Variants in APBB1IP observed in about 807,000 individuals in gnomAD.
The protein encoded by APBB1IP is amyloid beta A4 precursor protein-binding family B member 1-interacting protein.
APBB1IP carries 27 observed loss-of-function variants against 64.9 expected under a neutral mutation model. That is an observed-to-expected ratio of 0.42 (90% CI 0.31 to 0.57). The LOEUF (loss-of-function observed/expected upper bound fraction) is 0.57, where lower values mean the gene tolerates loss of function less well. Ranked by LOEUF, APBB1IP falls within the 20% of genes least tolerant of loss-of-function variation. The pLI, the probability that APBB1IP is intolerant of heterozygous loss-of-function variation, is 0.20. For missense variants in APBB1IP, 812 were observed against 845.5 expected (o/e 0.96, Z 0.49); for synonymous variants, 392 against 331.0 (o/e 1.18, Z -2.00).
intron 2 of APBB1IP, among the ~76,000 whole-genome samples, chr10:26,467,554 A>T (rs1835663415): frequency 6.6e-6 from 1 of 152,142 alleles, no homozygotes; most frequent in Non-Finnish European, 1.5e-5. Flanking sequence ...TTATCCCAAC[A>T]TGATGGTGCA....
intron 2 of APBB1IP, among the ~76,000 whole-genome samples, chr10:26,458,206 G>A (rs772394498): frequency 1.3e-5 from 2 of 152,168 alleles, no homozygotes; most frequent in African/African-American, 2.4e-5. Context: ...GGACCAACAC[G>A]GTGAAACCGC....
intron 2 of APBB1IP, among the ~76,000 whole-genome samples, chr10:26,478,614 C>A (rs980279562): frequency 2.1e-3 from 266 of 124,850 alleles, no homozygotes; most frequent in East Asian, 2.6e-3. Flanking sequence ...GACTCCGTCT[C>A]AAAAAAAAAA....
chr10:26,467,348 TTTAAA>T (rs1359966637), intron 2 of APBB1IP, among the ~76,000 whole-genome samples: 1 of 151,966 alleles, frequency 6.6e-6, no homozygotes, highest in Non-Finnish European at 1.5e-5. Context: ...TGCCTTTGCC[TTTAAA>T]TTAAAAAAAA....
At chr10:26,467,906 T>C (rs1835667334) in intron 2 of APBB1IP, among the ~76,000 whole-genome samples, 1 of 152,194 alleles carries the variant, frequency 6.6e-6, no homozygotes, top group Admixed American at 6.5e-5. Context: ...ATGAGATTTA[T>C]GTACTAACTA....
At chr10:26,504,165 C>T (rs867762681) in intron 6 of APBB1IP, among the ~76,000 whole-genome samples, 3 of 152,178 alleles carry the variant, frequency 2.0e-5, no homozygotes, top group Admixed American at 2.0e-4. Flanking sequence ...CTGGGGCAGC[C>T]GTCAGCCCTG....
chr10:26,485,972 G>A (rs912626422), intron 2 of APBB1IP, among the ~76,000 whole-genome samples: 1 of 152,198 alleles, frequency 6.6e-6, no homozygotes, highest in African/African-American at 2.4e-5. Context: ...GCTCAAGCCT[G>A]TAATCCCAGC....
chr10:26,562,703 G>A (rs1836989461), intron 14 of APBB1IP, among the ~76,000 whole-genome samples: 1 of 152,142 alleles, frequency 6.6e-6, no homozygotes, highest in Admixed American at 6.5e-5. Flanking sequence ...AGGCTGAGGT[G>A]TTTGACTTGC....
chr10:26,530,561 G>A (rs914302824), intron 8 of APBB1IP, among the ~76,000 whole-genome samples: 1 of 151,822 alleles, frequency 6.6e-6, no homozygotes, highest in African/African-American at 2.4e-5. Context: ...GTGGTAGTGC[G>A]TGCCTGTAAT....
At chr10:26,508,686 G>A (rs1355831852) in intron 6 of APBB1IP, among the ~76,000 whole-genome samples, 1 of 152,116 alleles carries the variant, frequency 6.6e-6, no homozygotes, top group Non-Finnish European at 1.5e-5. Context: ...GAGGGAAGCT[G>A]TGAAGAATAG....
intron 11 of APBB1IP, among the ~76,000 whole-genome samples, chr10:26,555,864 G>T (rs1241549446): frequency 1.3e-5 from 2 of 152,164 alleles, no homozygotes; most frequent in Non-Finnish European, 2.9e-5. Context: ...CTCTCAAAGT[G>T]CTGGGATTAC....
At chr10:26,519,460 G>C (rs1836375440) in intron 8 of APBB1IP, among the ~76,000 whole-genome samples, 1 of 152,166 alleles carries the variant, frequency 6.6e-6, no homozygotes, top group Non-Finnish European at 1.5e-5. Flanking sequence ...GGAAGAGAGA[G>C]AAGGGGCATG....
intron 9 of APBB1IP, among the ~76,000 whole-genome samples, chr10:26,535,801 CAAGT>C (rs952037565): frequency 1.8e-4 from 28 of 152,234 alleles, no homozygotes; most frequent in Admixed American, 1.8e-3. Context: ...TCCATTTTAA[CAAGT>C]AAGTGGACTG....
chr10:26,544,369 GCAGGTTCC>G (rs1269748352), intron 11 of APBB1IP, among the ~76,000 whole-genome samples: 2 of 152,208 alleles, frequency 1.3e-5, no homozygotes, highest in African/African-American at 4.8e-5. Context: ...CTTTACAAAT[GCAGGTTCC>G]CAGGCCCTAG....
At chr10:26,495,786 A>G (rs907240485) in intron 3 of APBB1IP, among the ~76,000 whole-genome samples, 4 of 150,738 alleles carry the variant, frequency 2.7e-5, no homozygotes, top group African/African-American at 9.7e-5. Flanking sequence ...TAGGCTAAGG[A>G]AAAATTTTAC....
chr10:26,460,259 C>A (rs1001692689), intron 2 of APBB1IP, among the ~76,000 whole-genome samples: 1 of 152,140 alleles, frequency 6.6e-6, no homozygotes, highest in African/African-American at 2.4e-5. Context: ...GAAGGATACA[C>A]TGTAGTTTGC....
chr10:26,443,522 G>C (rs1234649737), intron 2 of APBB1IP, among the ~76,000 whole-genome samples: 2 of 139,044 alleles, frequency 1.4e-5, no homozygotes, highest in African/African-American at 5.6e-5. Context: ...AACTTAGGAA[G>C]TCATCTCCAC....
At chr10:26,501,837 G>A (rs374380278) in intron 5 of APBB1IP, 2 of 152,198 alleles carry the variant, frequency 1.3e-5, no homozygotes, top group East Asian at 1.9e-4. Context: ...ATGATGTTTG[G>A]TACTCACAAA....
At chr10:26,449,530 T>C (rs1044326077) in intron 2 of APBB1IP, among the ~76,000 whole-genome samples, 2 of 152,156 alleles carry the variant, frequency 1.3e-5, no homozygotes, top group Non-Finnish European at 2.9e-5. Context: ...TTGTTTTGTT[T>C]TGTGTGTGTG....
chr10:26,542,087 T>C (rs1836704365), intron 11 of APBB1IP, among the ~76,000 whole-genome samples: 3 of 152,224 alleles, frequency 2.0e-5, no homozygotes. Flanking sequence ...AAAAAAGTTG[T>C]TTTAATTACT....
Sources: allele counts gnomAD v4.1 joint callset (sites outside exome capture counted in the v4.1 genomes callset), GRCh38; gene constraint gnomAD v4.1.1; transcripts MANE v1.5; gene names NCBI Gene and HGNC (gene_info 2026-07-23, HGNC 2026-07-21).